The following NAV1 variants were observed in gnomAD, a reference collection of about 807,000 sequenced individuals.
NAV1 encodes the protein pore membrane and/or filament interacting like protein 3.
NAV1 carries 18 observed loss-of-function variants against 175.2 expected under a neutral mutation model. The observed-to-expected ratio is 0.10, with a 90% CI of 0.07 to 0.15. The LOEUF (loss-of-function observed/expected upper bound fraction) is 0.15. Among genes scored for constraint, NAV1 ranks in the 10% least tolerant of loss-of-function variants. NAV1 has a pLI of 1.00. For missense variants in NAV1, 1,731 were observed against 2,436.6 expected (o/e 0.71, Z 6.10); for synonymous variants, 897 against 978.7 (o/e 0.92, Z 1.56).
At chr1:201,652,635 A>ACC (rs11390387) in intron 1 of NAV1, among the ~76,000 whole-genome samples, 1 of 151,606 alleles carries the variant, frequency 6.6e-6, no homozygotes, top group African/African-American at 2.4e-5. Flanking sequence ...AAGCTCTGTG[A>ACC]CCCCCTCTGG....
At chr1:201,552,865 G>A (rs756703307) in intron 1 of NAV1, among the ~76,000 whole-genome samples, 1 of 152,156 alleles carries the variant, frequency 6.6e-6, no homozygotes, top group Non-Finnish European at 1.5e-5. Context: ...GGATGTTTAC[G>A]TATCAGACAG....
At chr1:201,706,265 G>C (rs1671664496) in intron 1 of NAV1, among the ~76,000 whole-genome samples, 1 of 150,698 alleles carries the variant, frequency 6.6e-6, no homozygotes, top group African/African-American at 2.5e-5. Flanking sequence ...GTGTGTGTGT[G>C]TGTGTGTGTG....
At chr1:201,597,492 C>T (rs947043000) in intron 2 of NAV1, among the ~76,000 whole-genome samples, 1 of 152,272 alleles carries the variant, frequency 6.6e-6, no homozygotes, top group Non-Finnish European at 1.5e-5. Context: ...AATCTCCTAA[C>T]ATGCCCCTGG....
exon 30 of NAV1, chr1:201,825,074 TTG>T (rs1679599460): frequency 6.6e-6 from 1 of 152,342 alleles, no homozygotes; most frequent in African/African-American, 2.4e-5. Flanking sequence ...TCATGCTTCC[TTG>T]TGTTTCTGTT....
intron 1 of NAV1, among the ~76,000 whole-genome samples, chr1:201,654,297 T>G (rs1199822957): frequency 6.6e-6 from 1 of 152,158 alleles, no homozygotes; most frequent in Admixed American, 6.5e-5. Context: ...CCAAGTCACC[T>G]GGAGTCCTGG....
chr1:201,665,242 G>A (rs185081689), intron 1 of NAV1, among the ~76,000 whole-genome samples: 251 of 148,596 alleles, frequency 1.7e-3, no homozygotes, highest in African/African-American at 5.8e-3. Flanking sequence ...GCTCCTCTCC[G>A]TTGCCTCGGC....
upstream of NAV1, among the ~76,000 whole-genome samples, chr1:201,643,948 G>C (rs1215495267): frequency 6.6e-6 from 1 of 152,186 alleles, no homozygotes; most frequent in Non-Finnish European, 1.5e-5. Flanking sequence ...ATTGCTTTAA[G>C]TTATCTGTCA....
intron 15 of NAV1, among the ~76,000 whole-genome samples, chr1:201,801,801 G>A (rs2678209): frequency 0.23 from 34,442 of 151,734 alleles, 4,661 homozygotes; most frequent in Admixed American, 0.31. Context: ...CAGAATTTCC[G>A]TTCTCCATTA....
chr1:201,756,125 A>C (rs1477714533), intron 3 of NAV1, among the ~76,000 whole-genome samples: 1 of 151,318 alleles, frequency 6.6e-6, no homozygotes, highest in Non-Finnish European at 1.5e-5. Context: ...AAAAAAAAAA[A>C]AGTGGTGTAG....
chr1:201,716,885 A>C (rs1410201214), intron 2 of NAV1, among the ~76,000 whole-genome samples: 1 of 152,172 alleles, frequency 6.6e-6, no homozygotes, highest in Non-Finnish European at 1.5e-5. Context: ...CTCAAAAATA[A>C]GTAAATAAGT....
intron 1 of NAV1, among the ~76,000 whole-genome samples, chr1:201,693,513 C>T (rs1451290565): frequency 6.6e-6 from 1 of 152,164 alleles, no homozygotes; most frequent in Non-Finnish European, 1.5e-5. Context: ...GGAGACAAGA[C>T]CAGCAGGCAA....
intron 1 of NAV1, among the ~76,000 whole-genome samples, chr1:201,668,830 T>C (rs1669933201): frequency 1.3e-5 from 2 of 152,160 alleles, no homozygotes; most frequent in African/African-American, 2.4e-5. Context: ...CTCACCTCGC[T>C]CCTCTCAGCA....
chr1:201,565,714 A>G (rs575032041), intron 1 of NAV1, among the ~76,000 whole-genome samples: 165 of 152,286 alleles, frequency 1.1e-3, no homozygotes, highest in African/African-American at 3.9e-3. Context: ...CTGAGACTTG[A>G]GGATAATAGA....
chr1:201,638,184 A>G (rs1196653947), intron 2 of NAV1, among the ~76,000 whole-genome samples: 1 of 152,096 alleles, frequency 6.6e-6, no homozygotes, highest in Non-Finnish European at 1.5e-5. Flanking sequence ...CAAGAAGACA[A>G]CCCAGAACCC....
At chr1:201,696,566 C>T (rs1671199198) in intron 1 of NAV1, among the ~76,000 whole-genome samples, 1 of 152,210 alleles carries the variant, frequency 6.6e-6, no homozygotes, top group Admixed American at 6.5e-5. Context: ...GCTGGTGGCC[C>T]ATGACTCCCT....
exon 30 of NAV1, chr1:201,822,581 G>T (rs1679449262): frequency 1.3e-5 from 2 of 152,514 alleles, no homozygotes; most frequent in Admixed American, 1.3e-4. Flanking sequence ...AATTTTATTT[G>T]GATCCTCAGC....
chr1:201,765,233 A>G (rs1173664462), intron 3 of NAV1, among the ~76,000 whole-genome samples: 2 of 152,222 alleles, frequency 1.3e-5, no homozygotes, highest in African/African-American at 4.8e-5. Context: ...AGTGCCATAC[A>G]GAACTCTGTC....
At chr1:201,745,640 A>G (rs1053557021) in intron 3 of NAV1, among the ~76,000 whole-genome samples, 2 of 152,154 alleles carry the variant, frequency 1.3e-5, no homozygotes, top group Non-Finnish European at 2.9e-5. Context: ...TCAGTCAGTA[A>G]GTAGTGGAGC....
chr1:201,816,650 A>C (rs1679046928), intron 28 of NAV1, among the ~76,000 whole-genome samples: 1 of 148,514 alleles, frequency 6.7e-6, no homozygotes, highest in South Asian at 2.1e-4. Flanking sequence ...CAGAGCCTCG[A>C]GGATTTACAT....
Sources: gnomAD v4.1 joint callset for allele counts (sites outside exome capture counted in the v4.1 genomes callset) on GRCh38, gnomAD v4.1.1 for gene constraint, MANE v1.5 for transcripts, NCBI Gene and HGNC (gene_info 2026-07-23, HGNC 2026-07-21) for gene names.